The following PCDHGA6 variants were observed in gnomAD, a reference collection of about 807,000 sequenced individuals.
PCDHGA6 encodes protocadherin gamma-A6.
A neutral mutation model predicts 60.6 loss-of-function variants in PCDHGA6; 41 were observed. The ratio of observed to expected loss-of-function variants is 0.68; its 90% CI spans 0.53 to 0.88. The LOEUF is 0.88. Ranked by LOEUF, PCDHGA6 falls within the 40% of genes least tolerant of loss-of-function variation. The pLI, the probability that PCDHGA6 is intolerant of heterozygous loss-of-function variation, is 0.00. For synonymous variants in PCDHGA6, 594 were observed against 524.4 expected, an observed-to-expected ratio of 1.13 and a Z score of -1.81; for missense variants, 1,312 against 1,203.0, an observed-to-expected ratio of 1.09 and a Z score of -1.34.
chr5:141,428,731 A>G (rs1290064919), intron 1 of PCDHGA6: 1 of 159,494 alleles, frequency 6.3e-6, no homozygotes, highest in Non-Finnish European at 1.4e-5. Context: ...TCTTAAACAT[A>G]TTATATCTAC....
rs759899934 is a variant in PCDHGA6, at chr5:141,421,255, C to G, written c.2424+44748C>G. The stretch of plus-strand genomic sequence containing the variant: ...GGCGAATCGGCTACAGCGCGGGGAC[C>G]GCAGTCGGCTGCTGCTGCTGCTGTG... On this transcript the variant is annotated intron_variant, in intron 1 of 3. Coordinates refer to ENST00000517434, the MANE Select transcript of PCDHGA6 (RefSeq NM_018919.3). The G allele has an allele frequency of 6.0e-5, 97 of 1,607,644 alleles. No individual in the cohort carries two copies. Among genetic ancestry groups the G allele is most frequent in the Middle Eastern group, 3.3e-4 (2 of 6,058 alleles).
At chr5:141,403,546 C>A (rs62378450) in intron 1 of PCDHGA6, 1 of 1,613,984 alleles carries the variant, frequency 6.2e-7, no homozygotes, top group South Asian at 1.1e-5. Flanking sequence ...TGCTGGAGCG[C>A]GCCCTGGACA....
At chr5:141,376,530 G>T (rs200613052) in intron 1 of PCDHGA6, 23 bp downstream of exon 1, 35 of 1,613,550 alleles carry the variant, frequency 2.2e-5, no homozygotes, top group Non-Finnish European at 2.8e-5. Flanking sequence ...CCGCCTAAGC[G>T]GGAAGAGTAA....
chr5:141,432,378 C>A lies in PCDHGA6; in HGVS notation c.2424+55871C>A. On this transcript the variant is annotated intron_variant, in intron 1 of 3. Coordinates refer to ENST00000517434, the MANE Select transcript of PCDHGA6 (RefSeq NM_018919.3). This position sits in a 1 kb window ranked among gnomAD's most constrained non-coding sequence, Gnocchi z 6.0. ...GTGATGGCGCGGGACAACGGGCACC[C>A]GCCCCTCAGCAGCAACGTGTCGTTG... 6.2e-7 allele frequency: 1 copy of A among 1,614,234 alleles called. No individual in the cohort carries two copies. Among genetic ancestry groups the A allele is most frequent in the South Asian group, 1.1e-5 (1 of 91,082 alleles).
chr5:141,409,861 A>C, intron 1 of PCDHGA6: 1 of 1,612,406 alleles, frequency 6.2e-7, no homozygotes, highest in Non-Finnish European at 8.5e-7. Context: ...TGTTGGTGGG[A>C]GACCGCAATG....
intron 1 of PCDHGA6, among the ~76,000 whole-genome samples, chr5:141,494,072 C>G (rs2099751672): frequency 6.6e-6 from 1 of 152,160 alleles, no homozygotes; most frequent in Non-Finnish European, 1.5e-5. Flanking sequence ...CTGGATCCCT[C>G]CCCGCTGCAT....
At chr5:141,387,675 C>G in intron 1 of PCDHGA6, 1 of 729,278 alleles carries the variant, frequency 1.4e-6, no homozygotes, top group Non-Finnish European at 2.2e-6. Flanking sequence ...CAGATCTCCT[C>G]GCGCAGCCGC....
At chr5:141,390,732 G>T in intron 1 of PCDHGA6, 1 of 194,114 alleles carries the variant, frequency 5.2e-6, no homozygotes, top group Non-Finnish European at 1.1e-5. Context: ...TAACTGGTAT[G>T]GTCTCCATAG....
intron 1 of PCDHGA6, chr5:141,407,952 G>A (rs1235192174): frequency 2.7e-5 from 17 of 633,328 alleles, no homozygotes; most frequent in Admixed American, 1.4e-4. Context: ...CTGTCGGCCA[G>A]TGCAGAGCAA....
chr5:141,383,943 T>C (rs1229813206), intron 1 of PCDHGA6: 1 of 1,613,674 alleles, frequency 6.2e-7, no homozygotes, highest in Admixed American at 1.7e-5. Flanking sequence ...CAGAAGTGAC[T>C]ATGACGTCTT....
chr5:141,482,514 G>A (rs2099563611), intron 1 of PCDHGA6, among the ~76,000 whole-genome samples: 1 of 130,122 alleles, frequency 7.7e-6, no homozygotes. Flanking sequence ...CCAGAGTACA[G>A]TATGAGACAG....
intron 1 of PCDHGA6, chr5:141,382,648 G>A (rs1561591657): frequency 2.5e-6 from 1 of 403,370 alleles, no homozygotes; most frequent in Non-Finnish European, 4.4e-6. Flanking sequence ...CAGTAACTTA[G>A]TAAGGACTCA....
At chr5:141,433,397 A>C (rs189987785) in intron 1 of PCDHGA6, among the ~76,000 whole-genome samples, 2 of 150,410 alleles carry the variant, frequency 1.3e-5, no homozygotes, top group African/African-American at 4.9e-5. Context: ...CTATCTATCT[A>C]TCTATCTATT....
Position 141,512,040 on chromosome 5 carries a change from A to G in PCDHGA6, c.*867A>G, listed in dbSNP as rs775766584. 1.3e-5 allele frequency: 2 copies of G among 152,838 alleles called. No homozygotes were observed. The highest frequency in any genetic ancestry group is 2.9e-5 in the Non-Finnish European group (2 of 68,198). 9.5% of individuals were successfully genotyped at this position (152,838 alleles called of 1,614,324 possible). A position where few individuals can be genotyped will look rare whatever the true frequency, so the allele number is the denominator to read the frequency against. ...ATCAAGGCCTTGGAGGAGGCTCTGT[A>G]TGTCCTCAGGGGACTGACAACATCC... On this transcript the variant is annotated 3_prime_UTR_variant, in exon 4 of 4. Coordinates refer to ENST00000517434, the MANE Select transcript of PCDHGA6 (RefSeq NM_018919.3).
chr5:141,389,487 C>T (rs997165354), intron 1 of PCDHGA6: 2 of 1,612,906 alleles, frequency 1.2e-6, no homozygotes, highest in African/African-American at 1.3e-5. Context: ...GGCCCGCGAC[C>T]AGGGCTCGCC....
chr5:141,438,754 T>C (rs1213047429), intron 1 of PCDHGA6, among the ~76,000 whole-genome samples: 3 of 148,368 alleles, frequency 2.0e-5, no homozygotes, highest in African/African-American at 5.0e-5. Context: ...CTCTGCCTCC[T>C]GGGTTCAAGC....
At chr5:141,384,215 T>C in intron 1 of PCDHGA6, 1 of 1,613,862 alleles carries the variant, frequency 6.2e-7, no homozygotes, top group Non-Finnish European at 8.5e-7. Flanking sequence ...ACTCACATAT[T>C]CATGCAGGTG....
At chr5:141,418,436 G>A in intron 1 of PCDHGA6, 1 of 1,614,000 alleles carries the variant, frequency 6.2e-7, no homozygotes. Flanking sequence ...CAAATATCCA[G>A]AATTAGTATT....
rs1686238986 is a variant in PCDHGA6 at position 141,431,536 on chromosome 5, G to A, written c.2424+55029G>A. The A allele has an allele frequency of 6.2e-7, 1 of 1,614,070 alleles. No homozygotes were observed. Among genetic ancestry groups the A allele is most frequent in the African/African-American group, 1.3e-5 (1 of 75,064 alleles). On this transcript the variant is annotated intron_variant, in intron 1 of 3. Transcript: ENST00000517434. The surrounding 1 kb of genome is among the most constrained non-coding windows in gnomAD (Gnocchi z 4.8). ...TTCCGGAGAATCTGGCCTTGGGCAC[G>A]CAGCTGCTTGTAGTCAACGCTACCG... is the stretch of plus-strand genomic sequence containing the variant.
Sources: gnomAD v4.1 joint callset for allele counts (sites outside exome capture counted in the v4.1 genomes callset) on GRCh38, gnomAD v4.1.1 for gene constraint, Gnocchi (gnomAD v3.1) non-coding constraint, MANE v1.5 for transcripts, NCBI Gene and HGNC (gene_info 2026-07-23, HGNC 2026-07-21) for gene names.